Variants in KALRN observed in about 807,000 individuals in gnomAD.
KALRN encodes the protein kalirin RhoGEF kinase, also known as kalirin.
Under a neutral mutation model 353.7 loss-of-function variants are expected in KALRN, and 70 were observed. That is an observed-to-expected ratio of 0.20 (90% CI 0.16 to 0.24). The LOEUF (loss-of-function observed/expected upper bound fraction) is 0.24, where lower values mean the gene tolerates loss of function less well. KALRN is among the 10% of genes least tolerant of loss of function. The probability of loss-of-function intolerance (pLI) is 1.00; values close to 1 mark genes in which losing one functional copy is unlikely to be tolerated. For synonymous variants in KALRN, 1,391 were observed against 1,434.8 expected (o/e 0.97, Z 0.69); for missense variants, 2,791 against 3,756.7 (o/e 0.74, Z 6.72).
chr3:124,417,415 A>G (rs887178088), intron 14 of KALRN, among the ~76,000 whole-genome samples: 2 of 152,166 alleles, frequency 1.3e-5, no homozygotes, highest in Non-Finnish European at 2.9e-5. Context: ...CGACTGTTAC[A>G]CTTGACTTTA....
chr3:124,428,177 A>G (rs1344673387), intron 15 of KALRN, among the ~76,000 whole-genome samples: 1 of 152,254 alleles, frequency 6.6e-6, no homozygotes. Context: ...AATTATACCA[A>G]CAAGGGTTAT....
intron 34 of KALRN, among the ~76,000 whole-genome samples, chr3:124,604,425 G>T (rs867347434): frequency 6.6e-6 from 1 of 152,076 alleles, no homozygotes; most frequent in Admixed American, 6.6e-5. Context: ...AAACCACAAA[G>T]GTTGTTTCTT....
chr3:124,391,940 C>G (rs2089452141), intron 11 of KALRN, among the ~76,000 whole-genome samples: 1 of 152,212 alleles, frequency 6.6e-6, no homozygotes, highest in Non-Finnish European at 1.5e-5. Context: ...CTTGAAGGAC[C>G]AAATTCAATG....
At chr3:124,583,055 A>G (rs2096609724) in intron 34 of KALRN, among the ~76,000 whole-genome samples, 1 of 152,130 alleles carries the variant, frequency 6.6e-6, no homozygotes, top group Non-Finnish European at 1.5e-5. Context: ...AAGTGCTGGG[A>G]TTACAGGCAT....
chr3:124,203,765 A>C (rs932846662), intron 1 of KALRN, among the ~76,000 whole-genome samples: 5 of 152,190 alleles, frequency 3.3e-5, no homozygotes, highest in Admixed American at 6.5e-5. Flanking sequence ...AGAGACATTA[A>C]GTAATTGCCC....
At chr3:124,488,899 G>A (rs1324529713) in intron 29 of KALRN, 1 of 152,344 alleles carries the variant, frequency 6.6e-6, no homozygotes, top group African/African-American at 2.4e-5. Flanking sequence ...AGTAAGTCCA[G>A]CCAAACAACT....
rs184894925 is a variant in KALRN at position 124,695,003 on chromosome 3, G to T, written c.7577+500G>T. On this transcript the variant is annotated intron_variant, in intron 53 of 59. Coordinates refer to ENST00000682506, the MANE Select transcript of KALRN (RefSeq NM_001388419.1). ...TAGACTTCTGATTTAAGTGGCGAAG[G>T]CTCCAGACCTGTAGTAAAAATGTAA... Among the ~76,000 whole-genome samples, 137 of 152,278 alleles carry T rather than the reference G, an allele frequency of 9.0e-4. 1 individual carries two copies. Among genetic ancestry groups the T allele is most frequent in the Admixed American group, 1.7e-3 (26 of 15,294 alleles).
intron 53 of KALRN, among the ~76,000 whole-genome samples, chr3:124,695,255 C>G (rs369477104): frequency 2.7e-5 from 4 of 148,958 alleles, no homozygotes; most frequent in African/African-American, 5.0e-5. Context: ...TTGTTACTAA[C>G]TATGAATTGG....
At chr3:124,076,532 C>T (rs1447009385) in intron 1 of KALRN, among the ~76,000 whole-genome samples, 10 of 152,212 alleles carry the variant, frequency 6.6e-5, no homozygotes, top group Admixed American at 2.0e-4. Context: ...CCTTGCTCCT[C>T]GGAGGAGCCC....
intron 1 of KALRN, among the ~76,000 whole-genome samples, chr3:124,051,542 T>A (rs1267004151): frequency 6.6e-6 from 1 of 152,244 alleles, no homozygotes; most frequent in Non-Finnish European, 1.5e-5. Flanking sequence ...TAGTCAGTAA[T>A]AAATCAATGG....
chr3:124,330,264 A>T (rs1486203635), intron 8 of KALRN, among the ~76,000 whole-genome samples: 44 of 151,194 alleles, frequency 2.9e-4, no homozygotes, highest in African/African-American at 8.5e-4. Flanking sequence ...ACACACACAC[A>T]CACACACACA....
At chr3:124,267,117 A>G (rs1188854792) in intron 4 of KALRN, among the ~76,000 whole-genome samples, 1 of 152,208 alleles carries the variant, frequency 6.6e-6, no homozygotes, top group Non-Finnish European at 1.5e-5. Flanking sequence ...TGAATTTAAT[A>G]CTTAGTGCAG....
intron 1 of KALRN, among the ~76,000 whole-genome samples, chr3:124,117,895 A>G (rs1017661830): frequency 6.6e-6 from 1 of 152,250 alleles, no homozygotes; most frequent in African/African-American, 2.4e-5. Flanking sequence ...CTTTATAATT[A>G]CTTTTCAGAA....
chr3:124,658,069 C>T lies in KALRN; in HGVS notation c.6036+266C>T, dbSNP rs1247452354. Among the ~76,000 whole-genome samples the T allele has an allele frequency of 2.6e-5, 4 of 152,140 alleles. 1 individual carries two copies. Among genetic ancestry groups the T allele is most frequent in the South Asian group, 2.1e-4 (1 of 4,820 alleles). On this transcript the variant is annotated intron_variant, in intron 41 of 59. Coordinates refer to ENST00000682506, the MANE Select transcript of KALRN (RefSeq NM_001388419.1). ...CTTGGGGGGGCGGAGGCAGGAGGAT[C>T]GCTTGAGCCTGGGAGGTCAAGACTG...
chr3:124,528,132 T>C lies in KALRN; in HGVS notation c.4935+31719T>C, dbSNP rs180808964. 2.1e-4 allele frequency among the ~76,000 whole-genome samples: 32 copies of C among 152,154 alleles called. No individual in the cohort carries two copies. The East Asian group carries it at 4.8e-3, about 23-fold the overall frequency. ...CCAGCAGACTGTACAGTCCCTCCAG[T>C]CTAGTTTGATAAAGTTTCAGCAGCA... is the stretch of plus-strand genomic sequence containing the variant. On this transcript the variant is annotated intron_variant, in intron 33 of 59. Transcript: ENST00000682506.
At chr3:124,275,702 T>C (rs145101108) in intron 5 of KALRN, among the ~76,000 whole-genome samples, 188 of 152,312 alleles carry the variant, frequency 1.2e-3, no homozygotes, top group African/African-American at 4.4e-3. Context: ...CCATGAAGAG[T>C]GTCACTGATG....
intron 3 of KALRN, among the ~76,000 whole-genome samples, chr3:124,257,224 A>C (rs2072145638): frequency 6.6e-6 from 1 of 152,354 alleles, no homozygotes. Flanking sequence ...TATCTGATTT[A>C]GACAAAGTGA....
intron 3 of KALRN, among the ~76,000 whole-genome samples, chr3:124,241,972 A>G (rs1326370923): frequency 6.6e-6 from 1 of 152,236 alleles, no homozygotes; most frequent in East Asian, 1.9e-4. Flanking sequence ...GAAACTCAAG[A>G]TGTAGAAACA....
chr3:124,604,377 C>T (rs2077111039), intron 34 of KALRN, among the ~76,000 whole-genome samples: 1 of 152,086 alleles, frequency 6.6e-6, no homozygotes, highest in African/African-American at 2.4e-5. Flanking sequence ...TGAAAAGAGC[C>T]ACTCTTGGTG....
Sources: allele counts gnomAD v4.1 joint callset (sites outside exome capture counted in the v4.1 genomes callset), GRCh38; gene constraint gnomAD v4.1.1; transcripts MANE v1.5; gene names NCBI Gene and HGNC (gene_info 2026-07-23, HGNC 2026-07-21).